The following ARL8A variants were observed in gnomAD, a reference collection of about 807,000 sequenced individuals.
The protein encoded by ARL8A is ADP-ribosylation factor-like protein 8A.
A neutral mutation model predicts 31.2 loss-of-function variants in ARL8A; 10 were observed. The observed-to-expected ratio is 0.32, with a 90% confidence interval of 0.20 to 0.54. The LOEUF is 0.54. Among genes scored for constraint, ARL8A ranks in the 20% least tolerant of loss-of-function variants. The pLI is 0.93. For synonymous variants in ARL8A, 70 were observed against 86.9 expected, an observed-to-expected ratio of 0.81 and a Z score of 1.08; for missense variants, 129 against 242.8, an observed-to-expected ratio of 0.53 and a Z score of 3.12.
rs1655085751 is a variant in ARL8A, at chr1:202,138,718, G to A, written c.124-270C>T. ...AGACTAGGGGAAAATTCTTCCTCAA[G>A]TCTAACCTACATCTCTCTGTAGTAA... On this transcript the variant is annotated intron_variant, in intron 1 of 6. Coordinates refer to ENST00000272217, the MANE Select transcript of ARL8A (RefSeq NM_138795.4). This position sits in a 1 kb window ranked among gnomAD's most constrained non-coding sequence, Gnocchi z 4.4. Among the ~76,000 whole-genome samples, 1 of 152,148 alleles carries A rather than the reference G, an allele frequency of 6.6e-6. No individual in the cohort carries two copies. The highest frequency in any genetic ancestry group is 2.4e-5 in the African/African-American group (1 of 41,422).
Position 202,144,680 on chromosome 1 carries a change from C to G in ARL8A, c.-108G>C. 1.7e-5 allele frequency: 18 copies of G among 1,041,844 alleles called. No homozygotes were observed. Among genetic ancestry groups the G allele is most frequent in the Non-Finnish European group, 2.1e-5 (18 of 863,776 alleles). The allele number at this position is 1,041,844 out of a possible 1,614,324, so 64.5% of individuals were successfully genotyped here. A position where few individuals can be genotyped will look rare whatever the true frequency, so the allele number is the denominator to read the frequency against. ...CCGGTACGGCCCGGGTCCCGCGGCTCGGTGCGGGCGGAGGCTCGAGCGCGG... is the reference window on the plus strand; with the variant it reads ...CCGGTACGGCCCGGGTCCCGCGGCTGGGTGCGGGCGGAGGCTCGAGCGCGG... On this transcript the variant is annotated 5_prime_UTR_variant, in exon 1 of 7. Transcript: ENST00000272217. The surrounding 1 kb of genome is among the most constrained non-coding windows in gnomAD (Gnocchi z 5.2).
chr1:202,137,145 C>T (rs1003632255), intron 3 of ARL8A, among the ~76,000 whole-genome samples: 2 of 150,780 alleles, frequency 1.3e-5, no homozygotes, highest in East Asian at 2.0e-4. Flanking sequence ...CGTGAGCCAC[C>T]GCGCCCAGCC....
intron 1 of ARL8A, among the ~76,000 whole-genome samples, chr1:202,139,022 A>G (rs1276955014): frequency 2.6e-5 from 4 of 152,196 alleles, no homozygotes; most frequent in Non-Finnish European, 4.4e-5. Context: ...TTATTTATCT[A>G]TGTGTCTCCT....
At position 202,138,141 on chromosome 1, in the gene ARL8A, T is replaced by A; in HGVS notation, c.205-103A>T. The A allele has an allele frequency of 7.4e-7, 1 of 1,347,942 alleles. No homozygotes were observed. The highest frequency in any genetic ancestry group is 1.8e-5 in the Admixed American group (1 of 54,340). 83.5% of individuals were successfully genotyped at this position (1,347,942 alleles called of 1,614,324 possible). A position where few individuals can be genotyped will look rare whatever the true frequency, so the allele number is the denominator to read the frequency against. ...CTACCCTGCCCTACTCTCCTCTGCCTCCCCGGCTTCCTCTCCAGTTCTCCC... is the reference window on the plus strand; with the variant it reads ...CTACCCTGCCCTACTCTCCTCTGCCACCCCGGCTTCCTCTCCAGTTCTCCC... On this transcript the variant is annotated intron_variant, in intron 2 of 6. Transcript: ENST00000272217. This position sits in a 1 kb window ranked among gnomAD's most constrained non-coding sequence, Gnocchi z 4.4.
In ARL8A at chr1:202,134,474, C is replaced by T. The variant is rs1378585378; in HGVS notation, c.554G>A (p.Arg185Lys). 3.7e-6 allele frequency: 6 copies of T among 1,613,226 alleles called. No individual in the cohort carries two copies. In the African/African-American group the frequency reaches 4.0e-5, roughly 11 times the overall value. ...QWLIQHSKSR[R>K]S Reference sequence around the variant, plus strand: ...GGGAGAAGGGCTGGAGTCTCAGCTTCTCCGTGACTTCGAGTGTTGAATAAG... The same window carrying T: ...GGGAGAAGGGCTGGAGTCTCAGCTTTTCCGTGACTTCGAGTGTTGAATAAG... Residue 185 changes from arginine to lysine, a missense_variant, in exon 7 of 7, where the codon AGA becomes AAA. By Grantham distance (26) the Arg-to-Lys change is conservative. Coordinates refer to ENST00000272217, the MANE Select transcript of ARL8A (RefSeq NM_138795.4). The surrounding 1 kb of genome is among the most constrained non-coding windows in gnomAD (Gnocchi z 4.2).
Position 202,144,321 on chromosome 1 carries a change from C to T in ARL8A, c.123+129G>A, listed in dbSNP as rs1438944088. On this transcript the variant is annotated intron_variant, in intron 1 of 6. Transcript: ENST00000272217. The surrounding 1 kb of genome is among the most constrained non-coding windows in gnomAD (Gnocchi z 5.2). ...CCCAAGCGCTCGGGGCCGGCTCCTC[C>T]CCCGCCCGGCGCCCGGCCGTGCCCG... The T allele has an allele frequency of 1.6e-6, 1 of 637,406 alleles. No individual in the cohort carries two copies. The highest frequency in any genetic ancestry group is 2.0e-6 in the Non-Finnish European group (1 of 511,066). The allele number at this position is 637,406 out of a possible 1,614,324, so 39.5% of individuals were successfully genotyped here.
chr1:202,139,829 G>A (rs1655120016), intron 1 of ARL8A, among the ~76,000 whole-genome samples: 1 of 150,882 alleles, frequency 6.6e-6, no homozygotes. Context: ...TGTATTTTTA[G>A]TAGAGACAGG....
At chr1:202,141,221 T>C (rs1403809038) in intron 1 of ARL8A, among the ~76,000 whole-genome samples, 3 of 152,344 alleles carry the variant, frequency 2.0e-5, no homozygotes, top group South Asian at 4.1e-4. Context: ...CCCTGTCTCA[T>C]AGGCTCCTCA....
chr1:202,137,727 G>A (rs1477190616), intron 3 of ARL8A, among the ~76,000 whole-genome samples: 5 of 152,208 alleles, frequency 3.3e-5, no homozygotes, highest in African/African-American at 1.2e-4. Flanking sequence ...GGATGCACAG[G>A]TGCATCTGGC....
At position 202,138,877 on chromosome 1, in the gene ARL8A, C is replaced by A. The variant is rs1176514107; in HGVS notation, c.124-429G>T. ...TGAATTTTCAAACTAAAAAATCAAA[C>A]TTTTTAGGGCAGAGTATATTGGTCA... On this transcript the variant is annotated intron_variant, in intron 1 of 6. Coordinates refer to ENST00000272217, the MANE Select transcript of ARL8A (RefSeq NM_138795.4). The surrounding 1 kb of genome is among the most constrained non-coding windows in gnomAD (Gnocchi z 4.4). Among the ~76,000 whole-genome samples, 2 of 152,148 alleles carry A rather than the reference C, an allele frequency of 1.3e-5. No individual in the cohort carries two copies. The highest frequency in any genetic ancestry group is 4.8e-5 in the African/African-American group (2 of 41,450).
chr1:202,134,786 A>G lies in ARL8A; in HGVS notation c.512-270T>C, dbSNP rs1204838412. Among the ~76,000 whole-genome samples, 1 of 152,200 alleles carries G rather than the reference A, an allele frequency of 6.6e-6. No individual in the cohort carries two copies. The highest frequency in any genetic ancestry group is 1.5e-5 in the Non-Finnish European group (1 of 68,024). On this transcript the variant is annotated intron_variant, in intron 6 of 6. Transcript: ENST00000272217. The surrounding 1 kb of genome is among the most constrained non-coding windows in gnomAD (Gnocchi z 4.2). ...CGAGACACTTTCTCAAAAACAAACA[A>G]GAAGTCCAGAGCTGGCAAGCGCCAC...
At chr1:202,137,863 GATT>G in intron 3 of ARL8A, 99 bp downstream of exon 3, 1 of 1,283,024 alleles carries the variant, frequency 7.8e-7, no homozygotes, top group Non-Finnish European at 1.1e-6. Context: ...ATGAACCAAG[GATT>G]ATGTCTAATA....
chr1:202,143,952 C>T (rs1214837134), intron 1 of ARL8A, among the ~76,000 whole-genome samples: 10 of 152,244 alleles, frequency 6.6e-5, no homozygotes, highest in Admixed American at 6.5e-4. Flanking sequence ...GCCGGGGCTT[C>T]CTCTTCCGGC....
intron 1 of ARL8A, among the ~76,000 whole-genome samples, chr1:202,140,322 T>C (rs531868393): frequency 6.6e-6 from 1 of 150,684 alleles, no homozygotes; most frequent in East Asian, 2.0e-4. Flanking sequence ...TTTGTATTTT[T>C]AGTAGATTCG....
chr1:202,138,416 G>C lies in ARL8A; in HGVS notation c.156C>G (p.Thr52=). The change falls in exon 2 of 7, where the codon ACC becomes ACG. Residue 52 remains threonine (T), a synonymous_variant. Transcript: ENST00000272217. The surrounding 1 kb of genome is among the most constrained non-coding windows in gnomAD (Gnocchi z 4.4). Reference sequence around the variant, plus strand: ...TGATTTTGCGCATGTTGAAACCCACGGTGGGGATCATGTCCTCGTTGAACT... The same window carrying C: ...TGATTTTGCGCATGTTGAAACCCACCGTGGGGATCATGTCCTCGTTGAACT... The part of the protein sequence containing the change: ...SGQFNEDMIP[T]VGFNMRKITK... 1 of 1,613,970 alleles carries C rather than the reference G, an allele frequency of 6.2e-7. No individual in the cohort carries two copies. The highest frequency in any genetic ancestry group is 8.5e-7 in the Non-Finnish European group (1 of 1,179,988).
rs1318447683 is a variant in ARL8A, at chr1:202,138,703, A to G, written c.124-255T>C. Among the ~76,000 whole-genome samples the G allele has an allele frequency of 1.3e-5, 2 of 152,186 alleles. No individual in the cohort carries two copies. Among genetic ancestry groups the G allele is most frequent in the Non-Finnish European group, 2.9e-5 (2 of 68,030 alleles). ...TCAATCTCTTTGCCTAGACTAGGGG[A>G]AAATTCTTCCTCAAGTCTAACCTAC... On this transcript the variant is annotated intron_variant, in intron 1 of 6. Coordinates refer to ENST00000272217, the MANE Select transcript of ARL8A (RefSeq NM_138795.4). This position sits in a 1 kb window ranked among gnomAD's most constrained non-coding sequence, Gnocchi z 4.4.
Position 202,144,551 on chromosome 1 carries a change from G to C in ARL8A, c.22C>G (p.Leu8Val). 6.9e-7 allele frequency: 1 copy of C among 1,452,116 alleles called. No individual in the cohort carries two copies. Among genetic ancestry groups the C allele is most frequent in the Non-Finnish European group, 9.2e-7 (1 of 1,082,464 alleles). The allele number at this position is 1,452,116 out of a possible 1,614,324, so 90.0% of individuals were successfully genotyped here. The stretch of plus-strand genomic sequence containing the variant: ...AATAGGGCCTTGAACCAGTCCAGCA[G>C]CTTGTTGAACAAAGCGATCATGGTC... MIALFNK[L>V]LDWFKALFWK... is the part of the protein sequence containing the mutation. The change falls in exon 1 of 7, where the codon CTG (leucine) becomes GTG (valine). Residue 8 changes from leucine to valine, a missense_variant. Coordinates refer to ENST00000272217, the MANE Select transcript of ARL8A (RefSeq NM_138795.4). This position sits in a 1 kb window ranked among gnomAD's most constrained non-coding sequence, Gnocchi z 5.2.
chr1:202,140,340 A>G (rs1421927853), intron 1 of ARL8A, among the ~76,000 whole-genome samples: 4 of 142,218 alleles, frequency 2.8e-5, no homozygotes, highest in Non-Finnish European at 6.1e-5. Context: ...TCGGGGTTTC[A>G]CCATGTTGGC....
rs371150871 is a variant in ARL8A at position 202,137,954 on chromosome 1, C to T, written c.278+11G>A. The stretch of plus-strand genomic sequence containing the variant: ...AAGGCTGGAGTCTGGCGATGCCTCC[C>T]GTGTACTTACACGATGGCGCTCACT... On this transcript the variant is annotated intron_variant, in intron 3 of 6. Coordinates refer to ENST00000272217, the MANE Select transcript of ARL8A (RefSeq NM_138795.4). The T allele has an allele frequency of 1.5e-5, 25 of 1,613,876 alleles. No individual in the cohort carries two copies. The highest frequency in any genetic ancestry group is 4.5e-5 in the East Asian group (2 of 44,884).
Sources: allele counts gnomAD v4.1 joint callset (sites outside exome capture counted in the v4.1 genomes callset), GRCh38; gene constraint gnomAD v4.1.1; non-coding constraint Gnocchi (gnomAD v3.1); transcripts MANE v1.5; gene names NCBI Gene and HGNC (gene_info 2026-07-23, HGNC 2026-07-21).